FOCAD: variants seen among roughly 807,000 people sequenced by gnomAD.
The protein encoded by FOCAD is KIAA1797.
A neutral mutation model predicts 225.6 loss-of-function variants in FOCAD; 198 were observed. The ratio of observed to expected loss-of-function variants is 0.88; its 90% confidence interval spans 0.78 to 0.99. The LOEUF (loss-of-function observed/expected upper bound fraction) is 0.99, where lower values mean the gene tolerates loss of function less well. FOCAD is among the 50% of genes least tolerant of loss of function. The pLI, the probability that FOCAD is intolerant of heterozygous loss-of-function variation, is 0.00. For synonymous variants in FOCAD, 897 were observed against 755.0 expected, an observed-to-expected ratio of 1.19 and a Z score of -3.08; for missense variants, 2,713 against 2,123.6, an observed-to-expected ratio of 1.28 and a Z score of -5.46.
rs955550683 is a variant in FOCAD at position 20,873,114 on chromosome 9, A to C, written c.2191-1567A>C. ...TGAATGTTTTGAGGCTATTATAAAT[A>C]ATAATTCTATGAACATTTGTATGCA... is the stretch of plus-strand genomic sequence containing the variant. On this transcript the variant is annotated intron_variant, in intron 18 of 43. Transcript: ENST00000338382. Among the ~76,000 whole-genome samples the C allele has an allele frequency of 2.0e-5, 3 of 152,152 alleles. No homozygotes were observed. In the East Asian group the frequency reaches 5.8e-4, roughly 29 times the overall value.
At chr9:20,692,368 G>A (rs1430909714) in intron 1 of FOCAD, among the ~76,000 whole-genome samples, 5 of 152,046 alleles carry the variant, frequency 3.3e-5, no homozygotes, top group Admixed American at 2.6e-4. Context: ...CCTTCACAAT[G>A]TATTTAGAAT....
intron 8 of FOCAD, among the ~76,000 whole-genome samples, chr9:20,773,121 A>G (rs1402170299): frequency 6.6e-6 from 1 of 152,146 alleles, no homozygotes; most frequent in East Asian, 1.9e-4. Flanking sequence ...TACTTTTAGT[A>G]GATTCATGTG....
At chr9:20,917,112 A>G (rs960285911) in intron 24 of FOCAD, among the ~76,000 whole-genome samples, 175 bp downstream of exon 24, 1 of 152,130 alleles carries the variant, frequency 6.6e-6, no homozygotes, top group Non-Finnish European at 1.5e-5. Flanking sequence ...TTCTTACTAC[A>G]TGTCTTTTTG....
rs1317616356 is a variant in FOCAD, at chr9:20,789,559, A to G, written c.1406A>G (p.His469Arg). ...GTTGAAGACAAAGGACAAAATCTTC[A>G]CCAAATACTCAAGGTCACTACAGAA... ...LLVEDKGQNL[H>R]QILKVTTELA... The change falls in exon 11 of 44, where the codon CAC becomes CGC. Residue 469 changes from histidine to arginine, a missense_variant. Physicochemically the swap from His to Arg is conservative, Grantham distance 29 (BLOSUM62 0). Coordinates refer to ENST00000338382, the MANE Select transcript of FOCAD (RefSeq NM_001375567.1). 20 of 1,613,808 alleles carry G rather than the reference A, an allele frequency of 1.2e-5. No individual in the cohort carries two copies. In the South Asian group the frequency reaches 2.0e-4, roughly 16 times the overall value.
At chr9:20,953,182 AT>A in intron 35 of FOCAD, 117 bp downstream of exon 35, 1 of 782,576 alleles carries the variant, frequency 1.3e-6, no homozygotes, top group Admixed American at 2.9e-5. Context: ...AGGGGTGAAT[AT>A]TTTCGTCTGC....
intron 6 of FOCAD, among the ~76,000 whole-genome samples, chr9:20,763,731 A>G (rs1829814201): frequency 1.3e-5 from 2 of 152,192 alleles, no homozygotes; most frequent in Non-Finnish European, 2.9e-5. Flanking sequence ...GTGAATGAAG[A>G]GCAAGAAATG....
intron 5 of FOCAD, among the ~76,000 whole-genome samples, chr9:20,744,811 C>A (rs1470432857): frequency 6.6e-6 from 1 of 152,158 alleles, no homozygotes; most frequent in African/African-American, 2.4e-5. Context: ...TATGTGAAAT[C>A]TCCTGACTGA....
intron 28 of FOCAD, among the ~76,000 whole-genome samples, chr9:20,933,744 C>G (rs1305892815): frequency 6.6e-6 from 1 of 152,098 alleles, no homozygotes; most frequent in Admixed American, 6.6e-5. Context: ...AGTGGGATTG[C>G]TGGATCAAAT....
intron 2 of FOCAD, among the ~76,000 whole-genome samples, chr9:20,660,970 A>G (rs915713819): frequency 6.6e-6 from 1 of 152,182 alleles, no homozygotes; most frequent in Non-Finnish European, 1.5e-5. Flanking sequence ...GTGGTTGAAC[A>G]TGTTCATAGA....
intron 28 of FOCAD, among the ~76,000 whole-genome samples, chr9:20,935,977 A>C (rs1480072464): frequency 2.0e-5 from 3 of 152,250 alleles, no homozygotes; most frequent in Non-Finnish European, 4.4e-5. Flanking sequence ...ATAATCAAAA[A>C]AAGAATTAAA....
intron 7 of FOCAD, among the ~76,000 whole-genome samples, chr9:20,767,400 A>G (rs1162420982): frequency 7.3e-5 from 10 of 137,788 alleles, no homozygotes; most frequent in African/African-American, 2.6e-4. Flanking sequence ...GAATTGCCAC[A>G]CTGACTTCCA....
chr9:20,934,588 C>T (rs1404930917), intron 28 of FOCAD, among the ~76,000 whole-genome samples: 3 of 151,810 alleles, frequency 2.0e-5, no homozygotes, highest in African/African-American at 7.3e-5. Context: ...TATTCTGTTC[C>T]GTTGTTCTAT....
At chr9:20,777,726 G>A (rs903700330) in intron 8 of FOCAD, among the ~76,000 whole-genome samples, 119 of 152,044 alleles carry the variant, frequency 7.8e-4, no homozygotes, top group Non-Finnish European at 1.4e-3. Flanking sequence ...GTCTGTATTA[G>A]GTAAGCAGAA....
intron 11 of FOCAD, 146 bp downstream of exon 11, chr9:20,789,754 A>AT: frequency 5.1e-6 from 5 of 982,230 alleles, no homozygotes; most frequent in South Asian, 1.7e-5. Flanking sequence ...TTATCCTTCC[A>AT]TTTTTTTCTT....
At chr9:20,875,906 C>T (rs1449472045) in intron 19 of FOCAD, 5 of 151,882 alleles carry the variant, frequency 3.3e-5, no homozygotes, top group Admixed American at 6.6e-5. Context: ...TTTGAATGTT[C>T]GTGGATATAA....
chr9:20,730,622 T>C (rs753314638), intron 4 of FOCAD, among the ~76,000 whole-genome samples: 1 of 152,140 alleles, frequency 6.6e-6, no homozygotes, highest in Non-Finnish European at 1.5e-5. Context: ...TATTCAGTGA[T>C]TTTCATATAT....
chr9:20,981,075 G>T (rs1169786459), intron 37 of FOCAD, among the ~76,000 whole-genome samples: 1 of 152,168 alleles, frequency 6.6e-6, no homozygotes, highest in African/African-American at 2.4e-5. Context: ...CAGAGAATGT[G>T]ACCTTTTAAA....
intron 15 of FOCAD, 62 bp from the exon 16 acceptor site, chr9:20,862,512 CTTAA>C (rs1828863238): frequency 1.9e-6 from 3 of 1,539,066 alleles, no homozygotes; most frequent in East Asian, 2.3e-5. Context: ...ATATAGTACT[CTTAA>C]TTAATGGCTT....
intron 41 of FOCAD, among the ~76,000 whole-genome samples, chr9:20,989,290 CT>C (rs1042398867): frequency 6.6e-6 from 1 of 152,118 alleles, no homozygotes; most frequent in Non-Finnish European, 1.5e-5. Context: ...ACTTTTTAAA[CT>C]TTTTTTGAAC....
Sources: gnomAD v4.1 joint callset for allele counts (sites outside exome capture counted in the v4.1 genomes callset) on GRCh38, gnomAD v4.1.1 for gene constraint, MANE v1.5 for transcripts, NCBI Gene and HGNC (gene_info 2026-07-23, HGNC 2026-07-21) for gene names.